Variants in CALN1 observed in about 807,000 individuals in gnomAD.
CALN1 encodes calcium-binding protein 8.
In CALN1, 17 loss-of-function variants were observed where a neutral mutation model predicts 30.6. The ratio of observed to expected loss-of-function variants is 0.56; its 90% CI spans 0.38 to 0.83. The LOEUF is 0.83. Ranked by LOEUF, CALN1 falls within the 40% of genes least tolerant of loss-of-function variation. The probability of loss-of-function intolerance (pLI) is 0.00; values close to 1 mark genes in which losing one functional copy is unlikely to be tolerated. For missense variants in CALN1, 291 were observed against 354.9 expected, an observed-to-expected ratio of 0.82 and a Z score of 1.45; for synonymous variants, 156 against 131.4, an observed-to-expected ratio of 1.19 and a Z score of -1.28.
At chr7:72,156,496 T>C (rs570207708) in intron 3 of CALN1, among the ~76,000 whole-genome samples, 1 of 152,278 alleles carries the variant, frequency 6.6e-6, no homozygotes, top group South Asian at 2.1e-4. Context: ...GCCTGACTAA[T>C]GCTCACACTG....
the CALN1 span, among the ~76,000 whole-genome samples, chr7:72,458,051 C>G: frequency 6.8e-6 from 1 of 147,920 alleles, no homozygotes; most frequent in African/African-American, 2.5e-5. Context: ...GTCACTGCAC[C>G]CAGCCACCTT....
chr7:72,081,101 T>C (rs1477906529), intron 4 of CALN1, among the ~76,000 whole-genome samples: 1 of 152,114 alleles, frequency 6.6e-6, no homozygotes, highest in Non-Finnish European at 1.5e-5. Context: ...TGTTCCTCAT[T>C]TAAGGACTGA....
intron 5 of CALN1, among the ~76,000 whole-genome samples, chr7:71,881,362 A>C (rs1792553168): frequency 6.6e-6 from 1 of 152,110 alleles, no homozygotes; most frequent in African/African-American, 2.4e-5. Flanking sequence ...TCATATATAC[A>C]TCTATCCTAT....
chr7:72,408,659 C>T (rs1286335360), intron 1 of CALN1, among the ~76,000 whole-genome samples: 1 of 124,156 alleles, frequency 8.1e-6, no homozygotes, highest in Non-Finnish European at 1.7e-5. Context: ...AAATGACCAC[C>T]AATTATTATC....
At chr7:71,830,451 A>G (rs112558325) in intron 5 of CALN1, among the ~76,000 whole-genome samples, 13,704 of 151,894 alleles carry the variant, frequency 0.09, 2,095 homozygotes, top group African/African-American at 0.31. Context: ...AGGTTCAAGC[A>G]ATTTTCCTGC....
chr7:72,260,422 G>A (rs556130580), intron 3 of CALN1, among the ~76,000 whole-genome samples: 15 of 152,218 alleles, frequency 9.9e-5, no homozygotes, highest in East Asian at 7.7e-4. Context: ...TAAGCTCCAC[G>A]GGTGCACAGA....
intron 5 of CALN1, among the ~76,000 whole-genome samples, chr7:71,856,676 C>T (rs764211493): frequency 6.6e-6 from 1 of 152,016 alleles, no homozygotes; most frequent in African/African-American, 2.4e-5. Context: ...AATAACTGGC[C>T]GGGTGTGGTG....
intron 5 of CALN1, among the ~76,000 whole-genome samples, chr7:71,890,108 T>A (rs1793155481): frequency 6.6e-6 from 1 of 152,128 alleles, no homozygotes; most frequent in Non-Finnish European, 1.5e-5. Flanking sequence ...GAGCTTTTAT[T>A]TATTTATTTT....
the CALN1 span, among the ~76,000 whole-genome samples, chr7:72,477,511 G>A: frequency 5.3e-5 from 8 of 152,090 alleles, no homozygotes; most frequent in Non-Finnish European, 8.8e-5. Flanking sequence ...TTGAACTCCT[G>A]GGCTCAAGCA....
At chr7:72,470,204 G>A in the CALN1 span, among the ~76,000 whole-genome samples, 1 of 152,086 alleles carries the variant, frequency 6.6e-6, no homozygotes, top group African/African-American at 2.4e-5. Flanking sequence ...TTGTCATGTG[G>A]AAAATGGGTT....
chr7:72,399,270 CTTT>C (rs5884888), intron 2 of CALN1, among the ~76,000 whole-genome samples: 16 of 106,782 alleles, frequency 1.5e-4, no homozygotes, highest in Admixed American at 4.4e-4. Flanking sequence ...TAACCTATTG[CTTT>C]TTTTTTTTTT....
chr7:72,348,390 A>T (rs1217914734), intron 2 of CALN1, among the ~76,000 whole-genome samples: 1 of 152,234 alleles, frequency 6.6e-6, no homozygotes, highest in Non-Finnish European at 1.5e-5. Context: ...CAGGGGTCTC[A>T]CTAAATTGAG....
rs188628582 is a variant in CALN1, at chr7:72,233,293, C to G, written c.244+45393G>C. On this transcript the variant is annotated intron_variant, in intron 3 of 6. Coordinates refer to ENST00000395275, the MANE Select transcript of CALN1 (RefSeq NM_031468.4). ...TTGGAAGGAGGAAAAAAAGCAACCC[C>G]AAGGACAGAATAAGAGCCAAAGGAG... 4.0e-5 allele frequency among the ~76,000 whole-genome samples: 6 copies of G among 151,028 alleles called. No individual in the cohort carries two copies. The East Asian group carries it at 9.8e-4, about 25-fold the overall frequency.
chr7:72,405,446 C>T (rs745388774), intron 1 of CALN1, among the ~76,000 whole-genome samples: 1 of 152,184 alleles, frequency 6.6e-6, no homozygotes, highest in Non-Finnish European at 1.5e-5. Context: ...ACAGGCATGT[C>T]TTCACACGCC....
At chr7:72,345,543 G>A (rs1320989855) in intron 2 of CALN1, among the ~76,000 whole-genome samples, 1 of 140,774 alleles carries the variant, frequency 7.1e-6, no homozygotes, top group African/African-American at 2.6e-5. Context: ...GAGGGAAGGA[G>A]GAAGGAAAGA....
chr7:71,831,871 CAAA>C (rs751078568), intron 5 of CALN1, among the ~76,000 whole-genome samples: 22 of 20,878 alleles, frequency 1.1e-3, no homozygotes, highest in African/African-American at 2.7e-3. Flanking sequence ...AACCCTGCCT[CAAA>C]AAAAAAAAAA....
At chr7:71,987,349 G>GA (rs1798727897) in intron 5 of CALN1, among the ~76,000 whole-genome samples, 1 of 152,230 alleles carries the variant, frequency 6.6e-6, no homozygotes, top group Non-Finnish European at 1.5e-5. Context: ...TATTTCACAA[G>GA]TCCATGCGGG....
chr7:72,268,936 G>A (rs948218304), intron 3 of CALN1, among the ~76,000 whole-genome samples: 1 of 151,974 alleles, frequency 6.6e-6, no homozygotes, highest in African/African-American at 2.4e-5. Flanking sequence ...AATATATGAG[G>A]CAACTGTTTT....
chr7:72,156,810 G>C (rs1172019788), intron 3 of CALN1, among the ~76,000 whole-genome samples: 1 of 152,192 alleles, frequency 6.6e-6, no homozygotes, highest in Non-Finnish European at 1.5e-5. Flanking sequence ...TCCTTCTAAA[G>C]CTGCTTCAGG....
Sources: gnomAD v4.1 joint callset for allele counts (sites outside exome capture counted in the v4.1 genomes callset) on GRCh38, gnomAD v4.1.1 for gene constraint, MANE v1.5 for transcripts, NCBI Gene and HGNC (gene_info 2026-07-23, HGNC 2026-07-21) for gene names.